The following EXT1 variants were observed in gnomAD, a reference collection of about 807,000 sequenced individuals.
The protein encoded by EXT1 is exostosin glycosyltransferase 1, also known as exostosin-1.
Under a neutral mutation model 82.5 loss-of-function variants are expected in EXT1, and 20 were observed. That is an observed-to-expected ratio of 0.24 (90% confidence interval 0.17 to 0.35). EXT1 has a LOEUF of 0.35. Among genes scored for constraint, EXT1 ranks in the 10% least tolerant of loss-of-function variants. EXT1 has a pLI of 1.00. For synonymous variants in EXT1, 348 were observed against 350.8 expected (o/e 0.99, Z 0.09); for missense variants, 757 against 936.5 (o/e 0.81, Z 2.50).
chr8:118,019,093 G>T (rs60734852), intron 1 of EXT1, among the ~76,000 whole-genome samples: 1 of 146,410 alleles, frequency 6.8e-6, no homozygotes, highest in African/African-American at 2.5e-5. Flanking sequence ...AGGAAAAAAA[G>T]AAAAAAAAAA....
intron 1 of EXT1, among the ~76,000 whole-genome samples, chr8:117,932,961 C>T (rs1181664691): frequency 6.6e-6 from 1 of 152,084 alleles, no homozygotes; most frequent in East Asian, 1.9e-4. Context: ...CTAACATCTT[C>T]CCCGTGCTCA....
chr8:118,009,636 A>T (rs2129829991), intron 1 of EXT1, among the ~76,000 whole-genome samples: 1 of 152,334 alleles, frequency 6.6e-6, no homozygotes, highest in East Asian at 1.9e-4. Flanking sequence ...GCAAGCGAGG[A>T]TTACCACCTG....
chr8:118,005,017 A>G lies in EXT1; in HGVS notation c.962+105068T>C, dbSNP rs562105983. Among the ~76,000 whole-genome samples, 3 of 152,308 alleles carry G rather than the reference A, an allele frequency of 2.0e-5. No individual in the cohort carries two copies. The South Asian group carries it at 6.2e-4, about 32-fold the overall frequency. On this transcript the variant is annotated intron_variant, in intron 1 of 10. Coordinates refer to ENST00000378204, the MANE Select transcript of EXT1 (RefSeq NM_000127.3). Reference sequence around the variant, plus strand: ...CCTGATCCTGGAAAATGATGTTATCATCCCACTTTTACATGGGGGTGAGGG... The same window carrying G: ...CCTGATCCTGGAAAATGATGTTATCGTCCCACTTTTACATGGGGGTGAGGG...
chr8:118,099,753 A>G (rs182661652), intron 1 of EXT1, among the ~76,000 whole-genome samples: 1 of 152,378 alleles, frequency 6.6e-6, no homozygotes. Context: ...TACCCTGCAC[A>G]TAGGATGTGC....
chr8:117,932,762 C>T (rs553435215), intron 1 of EXT1, among the ~76,000 whole-genome samples: 3 of 152,294 alleles, frequency 2.0e-5, no homozygotes, highest in Non-Finnish European at 4.4e-5. Flanking sequence ...CCAGAAAATA[C>T]TTTTATGACT....
chr8:117,936,831 T>C (rs1814173477), intron 1 of EXT1, among the ~76,000 whole-genome samples: 1 of 152,136 alleles, frequency 6.6e-6, no homozygotes, highest in Admixed American at 6.5e-5. Context: ...GTTGAGATCA[T>C]GCCACTGCAC....
intron 1 of EXT1, among the ~76,000 whole-genome samples, chr8:117,957,882 T>C (rs564946481): frequency 6.6e-6 from 1 of 152,342 alleles, no homozygotes; most frequent in South Asian, 2.1e-4. Flanking sequence ...TACTTAACTA[T>C]GTTTCAGTTG....
In EXT1 at chr8:117,799,796, G is replaced by C; in HGVS notation, c.2157C>G (p.His719Gln). The C allele has an allele frequency of 6.2e-6, 10 of 1,614,200 alleles. No homozygotes were observed. Among genetic ancestry groups the C allele is most frequent in the Admixed American group, 1.7e-5 (1 of 60,014 alleles). ...GGACGGGGTCGAGCCTCATCTGAGA[G>C]TGGATCAGCGGCATGTAGCCAAACC... ...ASWFGYMPLI[H>Q]SQMRLDPVLF... The change falls in exon 11 of 11, where the codon CAC (histidine) becomes CAG (glutamine). Residue 719 changes from histidine (H) to glutamine (Q), a missense_variant. By Grantham distance (24) the His-to-Gln change is conservative. Around this residue, in one of 4 missense-constraint regions of EXT1, gnomAD observed 128 missense variants for 223.2 expected, o/e 0.57. Transcript: ENST00000378204.
intron 1 of EXT1, among the ~76,000 whole-genome samples, chr8:118,003,901 T>C (rs1184971998): frequency 2.0e-5 from 3 of 152,214 alleles, no homozygotes; most frequent in African/African-American, 7.2e-5. Flanking sequence ...ACACTTTTGC[T>C]TTTAGCACAA....
intron 1 of EXT1, among the ~76,000 whole-genome samples, chr8:118,036,930 C>T (rs1816430685): frequency 6.6e-6 from 1 of 152,100 alleles, no homozygotes; most frequent in Non-Finnish European, 1.5e-5. Flanking sequence ...CCCAAATTTG[C>T]TTTGTCCTAA....
rs1563569962 is a variant in EXT1 at position 117,818,452 on chromosome 8, TGAC to T, written c.1612_1614del (p.Val538del). Reference sequence around the variant, plus strand: ...AGTCTTACCTTGCTCTCTCCTTCAATGACGACGACAGGCACAGCAGTGGCAGGC... The same window carrying T: ...AGTCTTACCTTGCTCTCTCCTTCAATGACGACAGGCACAGCAGTGGCAGGC... On this transcript the variant is annotated inframe_deletion, in exon 7 of 11. Coordinates refer to ENST00000378204, the MANE Select transcript of EXT1 (RefSeq NM_000127.3). 6.2e-7 allele frequency: 1 copy of T among 1,614,134 alleles called. No individual in the cohort carries two copies. Among genetic ancestry groups the T allele is most frequent in the Non-Finnish European group, 8.5e-7 (1 of 1,180,012 alleles).
intron 10 of EXT1, among the ~76,000 whole-genome samples, chr8:117,802,677 A>G (rs1199664086): frequency 6.6e-6 from 1 of 152,236 alleles, no homozygotes. Flanking sequence ...TAAGAGATAA[A>G]TAAAAAATAT....
intron 1 of EXT1, among the ~76,000 whole-genome samples, chr8:117,969,236 G>C (rs1814890924): frequency 6.6e-6 from 1 of 152,188 alleles, no homozygotes; most frequent in Admixed American, 6.5e-5. Flanking sequence ...TGCCACCCAA[G>C]AAGATCCTTT....
intron 1 of EXT1, among the ~76,000 whole-genome samples, chr8:118,047,221 C>T (rs368509801): frequency 2.6e-5 from 4 of 152,238 alleles, no homozygotes; most frequent in East Asian, 1.9e-4. Flanking sequence ...GTGAAGGAAC[C>T]TGCATTGGAA....
intron 1 of EXT1, among the ~76,000 whole-genome samples, chr8:117,964,627 T>G (rs200562143): frequency 0.01 from 1,329 of 127,580 alleles, 9 homozygotes; most frequent in Non-Finnish European, 0.013. Context: ...GTGTGTGTGT[T>G]TGTTTGTTTG....
chr8:117,970,759 A>G (rs1814922966), intron 1 of EXT1, among the ~76,000 whole-genome samples: 1 of 152,152 alleles, frequency 6.6e-6, no homozygotes, highest in African/African-American at 2.4e-5. Context: ...TGGAATCCAA[A>G]ATCTGACTTA....
intron 1 of EXT1, among the ~76,000 whole-genome samples, chr8:117,913,642 G>A (rs1813693916): frequency 6.6e-6 from 1 of 152,174 alleles, no homozygotes; most frequent in African/African-American, 2.4e-5. Context: ...TCAGCAAAGA[G>A]AGGATCTGGT....
intron 1 of EXT1, among the ~76,000 whole-genome samples, chr8:117,877,312 T>C (rs948496631): frequency 2.6e-5 from 4 of 151,886 alleles, no homozygotes; most frequent in African/African-American, 9.7e-5. Flanking sequence ...CAAGAAAAGC[T>C]CCAGGGAGGG....
At chr8:117,906,406 T>A (rs1191701502) in intron 1 of EXT1, among the ~76,000 whole-genome samples, 1 of 152,172 alleles carries the variant, frequency 6.6e-6, no homozygotes, top group Non-Finnish European at 1.5e-5. Context: ...AGTAATAGAT[T>A]TATTTCCCAT....
Sources: allele counts gnomAD v4.1 joint callset (sites outside exome capture counted in the v4.1 genomes callset), GRCh38; gene constraint gnomAD v4.1.1; regional missense constraint gnomAD v4.1.1; transcripts MANE v1.5; gene names NCBI Gene and HGNC (gene_info 2026-07-23, HGNC 2026-07-21).